The following SORL1 variants were observed in gnomAD, a reference collection of about 807,000 sequenced individuals.
The protein encoded by SORL1 is sortilin-related receptor.
A neutral mutation model predicts 273.7 loss-of-function variants in SORL1; 127 were observed. That is an observed-to-expected ratio of 0.46 (90% CI 0.40 to 0.54). SORL1 has a LOEUF of 0.54. Ranked by LOEUF, SORL1 falls within the 20% of genes least tolerant of loss-of-function variation. The pLI is 0.00. For synonymous variants in SORL1, 1,031 were observed against 1,067.4 expected, an observed-to-expected ratio of 0.97 and a Z score of 0.66; for missense variants, 2,494 against 2,846.1, an observed-to-expected ratio of 0.88 and a Z score of 2.81.
At chr11:121,510,548 C>G (rs774528232) in intron 6 of SORL1, among the ~76,000 whole-genome samples, 1 of 152,234 alleles carries the variant, frequency 6.6e-6, no homozygotes, top group Non-Finnish European at 1.5e-5. Flanking sequence ...AGTAGGACCT[C>G]TTCCCACCAA....
At chr11:121,594,495 C>T (rs994924348) in intron 31 of SORL1, among the ~76,000 whole-genome samples, 10 of 151,352 alleles carry the variant, frequency 6.6e-5, no homozygotes, top group Non-Finnish European at 1.3e-4. Context: ...CAACTCTTTG[C>T]TGAGTTTTTC....
intron 1 of SORL1, among the ~76,000 whole-genome samples, chr11:121,467,906 T>C (rs1387360895): frequency 6.6e-6 from 1 of 152,232 alleles, no homozygotes; most frequent in Non-Finnish European, 1.5e-5. Context: ...CTAGGTCCTT[T>C]TCTTTAAAGT....
chr11:121,591,102 G>A lies in SORL1; in HGVS notation c.4315G>A (p.Asp1439Asn), dbSNP rs770771327. ...CTGCGTGATGGACACCTGGGTGTGC[G>A]ACGGGTACCGAGATTGTGCAGATGG... ...GTCVMDTWVCDGYRDCADGSD... is the reference protein window; with the variant it reads ...GTCVMDTWVCNGYRDCADGSD... The change falls in exon 31 of 48, where the codon GAC becomes AAC. Residue 1439 changes from aspartate to asparagine, a missense_variant. By Grantham distance (23) the Asp-to-Asn change is conservative. This residue lies in a region of SORL1 where 1,609 missense variants were observed against 1,816.4 expected (regional missense o/e 0.89). Transcript: ENST00000260197. The A allele has an allele frequency of 3.7e-6, 6 of 1,614,086 alleles. No homozygotes were observed. Among genetic ancestry groups the A allele is most frequent in the African/African-American group, 1.3e-5 (1 of 74,950 alleles).
At chr11:121,548,209 A>G (rs892638462) in intron 14 of SORL1, among the ~76,000 whole-genome samples, 2 of 152,334 alleles carry the variant, frequency 1.3e-5, no homozygotes, top group Admixed American at 6.5e-5. Flanking sequence ...AATCTTTTGC[A>G]CTTTTTTGGG....
At chr11:121,525,846 C>A (rs1380232223) in intron 11 of SORL1, among the ~76,000 whole-genome samples, 1 of 152,042 alleles carries the variant, frequency 6.6e-6, no homozygotes, top group Non-Finnish European at 1.5e-5. Flanking sequence ...CCATGGGCAA[C>A]ATAGGGAAAG....
At chr11:121,523,375 CTATTAT>C (rs1023348985) in intron 11 of SORL1, among the ~76,000 whole-genome samples, 3 of 151,694 alleles carry the variant, frequency 2.0e-5, no homozygotes, top group Non-Finnish European at 4.4e-5. Context: ...AAATGGGCTG[CTATTAT>C]TATTATTATT....
chr11:121,566,602 A>G (rs766880124), intron 21 of SORL1: 14 of 207,538 alleles, frequency 6.7e-5, no homozygotes, highest in Non-Finnish European at 1.4e-4. Flanking sequence ...GCCATGTGCC[A>G]CTTCAACACC....
chr11:121,589,821 T>A (rs955935353), intron 29 of SORL1, among the ~76,000 whole-genome samples: 1 of 152,228 alleles, frequency 6.6e-6, no homozygotes, highest in Admixed American at 6.5e-5. Flanking sequence ...GTAGTATAGA[T>A]CAGAGGAACA....
rs78383839 is a variant in SORL1, at chr11:121,479,590, G to A, written c.528+1347G>A. 9.9e-5 allele frequency among the ~76,000 whole-genome samples: 15 copies of A among 152,244 alleles called. No homozygotes were observed. The East Asian group carries it at 2.3e-3, about 24-fold the overall frequency. ...GTCTGGAGGAGGCTGGGTCCTGGACGTCCCCTGCTGGGCCATGCATTAACT... is the reference window on the plus strand; with the variant it reads ...GTCTGGAGGAGGCTGGGTCCTGGACATCCCCTGCTGGGCCATGCATTAACT... On this transcript the variant is annotated intron_variant, in intron 3 of 47. Transcript: ENST00000260197.
At chr11:121,494,589 A>C (rs1861600686) in intron 5 of SORL1, among the ~76,000 whole-genome samples, 1 of 152,206 alleles carries the variant, frequency 6.6e-6, no homozygotes, top group African/African-American at 2.4e-5. Context: ...GGACAAAGAC[A>C]ATAGAAAGTA....
chr11:121,497,067 A>C lies in SORL1; in HGVS notation c.939+18A>C, dbSNP rs770969788. 2.5e-6 allele frequency: 4 copies of C among 1,604,024 alleles called. No homozygotes were observed. The South Asian group carries it at 4.4e-5, about 18-fold the overall frequency. ...AGGTGGTGGTAAGTTGAATGTACTA[A>C]AGAATAAACTACTTTTGAGTTTCCT... On this transcript the variant is annotated intron_variant, in intron 6 of 47. Coordinates refer to ENST00000260197, the MANE Select transcript of SORL1 (RefSeq NM_003105.6).
rs1863289527 is a variant in SORL1 at position 121,595,921 on chromosome 11, G to A, written c.4519+149G>A. The A allele has an allele frequency of 6.3e-6, 5 of 797,216 alleles. No homozygotes were observed. Among genetic ancestry groups the A allele is most frequent in the African/African-American group, 3.5e-5 (2 of 57,214 alleles). 49.4% of individuals were successfully genotyped at this position (797,216 alleles called of 1,614,324 possible). On this transcript the variant is annotated intron_variant, in intron 32 of 47. Coordinates refer to ENST00000260197, the MANE Select transcript of SORL1 (RefSeq NM_003105.6). The surrounding 1 kb of genome is among the most constrained non-coding windows in gnomAD (Gnocchi z 5.1). ...TGCTCTTACTGCATTCTCCACAAGC[G>A]CTTTGCCACGTGCACCCATACCATT...
chr11:121,589,049 A>C (rs1863165767), intron 28 of SORL1, among the ~76,000 whole-genome samples: 1 of 152,154 alleles, frequency 6.6e-6, no homozygotes, highest in African/African-American at 2.4e-5. Context: ...AGCTCATAAC[A>C]CGACTCGGTA....
At chr11:121,629,206 T>C in intron 47 of SORL1, 1 of 397,008 alleles carries the variant, frequency 2.5e-6, no homozygotes, top group Non-Finnish European at 4.5e-6. Context: ...ACTTAGCTTT[T>C]GAGTAGGTAA....
At chr11:121,461,281 G>T (rs1474681152) in intron 1 of SORL1, among the ~76,000 whole-genome samples, 6 of 152,130 alleles carry the variant, frequency 3.9e-5, no homozygotes, top group African/African-American at 1.4e-4. Context: ...GAGGGGGACG[G>T]TTACTGCAGA....
chr11:121,612,477 A>G (rs568011371), intron 39 of SORL1: 1 of 320,200 alleles, frequency 3.1e-6, no homozygotes, highest in South Asian at 4.0e-5. Context: ...TTTATTCTTC[A>G]TTCACTTTTT....
intron 6 of SORL1, among the ~76,000 whole-genome samples, chr11:121,502,033 T>C (rs1460189881): frequency 2.0e-5 from 3 of 152,024 alleles, no homozygotes; most frequent in African/African-American, 7.2e-5. Flanking sequence ...AGTGCTGCTG[T>C]GAATGTTCGT....
chr11:121,536,487 T>G (rs1489973173), intron 12 of SORL1, among the ~76,000 whole-genome samples: 1 of 142,648 alleles, frequency 7.0e-6, no homozygotes, highest in African/African-American at 2.5e-5. Flanking sequence ...TGCAACCTCC[T>G]CTTCCCAGAC....
chr11:121,457,064 G>A (rs1045720117), intron 1 of SORL1, among the ~76,000 whole-genome samples: 1 of 152,162 alleles, frequency 6.6e-6, no homozygotes, highest in Non-Finnish European at 1.5e-5. Context: ...CCTTGGGTTG[G>A]CTCAATAAGG....
Sources: gnomAD v4.1 joint callset for allele counts (sites outside exome capture counted in the v4.1 genomes callset) on GRCh38, gnomAD v4.1.1 for gene constraint, gnomAD v4.1.1 regional missense constraint, Gnocchi (gnomAD v3.1) non-coding constraint, MANE v1.5 for transcripts, NCBI Gene and HGNC (gene_info 2026-07-23, HGNC 2026-07-21) for gene names.